The following TIMM21 variants were observed in gnomAD, a reference collection of about 807,000 sequenced individuals.
The protein encoded by TIMM21 is translocase of inner mitochondrial membrane 21.
TIMM21 carries 30 observed loss-of-function variants against 27.7 expected under a neutral mutation model. The ratio of observed to expected loss-of-function variants is 1.08; its 90% CI spans 0.81 to 1.47. The LOEUF (loss-of-function observed/expected upper bound fraction) is 1.47, where lower values mean the gene tolerates loss of function less well. TIMM21 is among the 40% of genes most tolerant of loss of function. TIMM21 has a pLI of 0.00. For missense variants in TIMM21, 292 were observed against 302.9 expected (o/e 0.96, Z 0.27); for synonymous variants, 121 against 114.4 (o/e 1.06, Z -0.37).
At position 74,159,767 on chromosome 18, in the gene TIMM21, T is replaced by C. The variant is rs899144756; in HGVS notation, c.*1287T>C. 1 of 152,212 alleles carries C rather than the reference T, an allele frequency of 6.6e-6. No homozygotes were observed. Among genetic ancestry groups the C allele is most frequent in the African/African-American group, 2.4e-5 (1 of 41,442 alleles). The allele number at this position is 152,212 out of a possible 1,614,324, so 9.4% of individuals were successfully genotyped here. A position where few individuals can be genotyped will look rare whatever the true frequency, so the allele number is the denominator to read the frequency against. On this transcript the variant is annotated 3_prime_UTR_variant, in exon 6 of 6. Transcript: ENST00000169551. ...AATCGTTTTTTCCTTTGCTATAGAA[T>C]GTTCAGTTTCAGGATTCACTGAAAT...
rs921793256 is a variant in TIMM21 at position 74,152,006 on chromosome 18, C to T, written c.301+2897C>T. 2.0e-4 allele frequency among the ~76,000 whole-genome samples: 30 copies of T among 150,794 alleles called. No individual in the cohort carries two copies. The highest frequency in any genetic ancestry group is 1.9e-3 in the Admixed American group (29 of 15,056). On this transcript the variant is annotated intron_variant, in intron 1 of 5. Transcript: ENST00000169551. The surrounding 1 kb of genome is among the most constrained non-coding windows in gnomAD (Gnocchi z 4.1). The stretch of plus-strand genomic sequence containing the variant: ...TCTTCTCACCCTTCTCATGCCCAGT[C>T]GTGTTGTAACTTGGCCAGGAGGGGA...
Position 74,149,039 on chromosome 18 carries a change from G to T in TIMM21, c.231G>T (p.Glu77Asp). 2 of 1,614,150 alleles carry T rather than the reference G, an allele frequency of 1.2e-6. No homozygotes were observed. The highest frequency in any genetic ancestry group is 1.7e-6 in the Non-Finnish European group (2 of 1,180,036). The change falls in exon 1 of 6, where the codon GAG becomes GAT. Residue 77 changes from glutamate to aspartate, a missense_variant. By Grantham distance (45) the Glu-to-Asp change is conservative. Transcript: ENST00000169551. Reference sequence around the variant, plus strand: ...GACCGAGCCCCCGAAAAGCAAAGGAGGATGGCAGCAAACAAGTGTCTGTGC... The same window carrying T: ...GACCGAGCCCCCGAAAAGCAAAGGATGATGGCAGCAAACAAGTGTCTGTGC... ...TQGPSPRKAK[E>D]DGSKQVSVHR...
chr18:74,150,126 A>G (rs1979762668), intron 1 of TIMM21, among the ~76,000 whole-genome samples: 1 of 152,184 alleles, frequency 6.6e-6, no homozygotes, highest in African/African-American at 2.4e-5. Flanking sequence ...GAGCCTCTGC[A>G]TCTTTGTTGG....
rs1209525801 is a variant in TIMM21 at position 74,160,228 on chromosome 18, A to C, written c.*1748A>C. The C allele has an allele frequency of 2.0e-5, 3 of 151,866 alleles. No individual in the cohort carries two copies. The highest frequency in any genetic ancestry group is 7.3e-5 in the African/African-American group (3 of 41,306). 9.4% of individuals were successfully genotyped at this position (151,866 alleles called of 1,614,324 possible). On this transcript the variant is annotated 3_prime_UTR_variant, in exon 6 of 6. Transcript: ENST00000169551. ...TAATCTCATCTACTCAGGAGACAGG[A>C]GAAGCGCTTGAACCCAGGAGGCAGA...
Position 74,158,789 on chromosome 18 carries a change from A to G in TIMM21, c.*309A>G, listed in dbSNP as rs1200735893. 1.8e-5 allele frequency: 5 copies of G among 271,276 alleles called. No individual in the cohort carries two copies. The highest frequency in any genetic ancestry group is 3.5e-5 in the Non-Finnish European group (5 of 142,094). The allele number at this position is 271,276 out of a possible 1,614,324, so 16.8% of individuals were successfully genotyped here. On this transcript the variant is annotated 3_prime_UTR_variant, in exon 6 of 6. Coordinates refer to ENST00000169551, the MANE Select transcript of TIMM21 (RefSeq NM_014177.3). Reference sequence around the variant, plus strand: ...GTAAATAAAGGAAATAGATTTTAGTATTGTATTCATTTTATATTATAGAAC... The same window carrying G: ...GTAAATAAAGGAAATAGATTTTAGTGTTGTATTCATTTTATATTATAGAAC...
Position 74,148,677 on chromosome 18 carries a change from C to T in TIMM21, c.-132C>T. The stretch of plus-strand genomic sequence containing the variant: ...TTTTCATTTACGCTGCGGAAACTGA[C>T]GTTTTTGCCTAACACCCCATGTAAT... On this transcript the variant is annotated 5_prime_UTR_variant, in exon 1 of 6. The change creates a new upstream start codon in the 5' untranslated region. Transcript: ENST00000169551. 1 of 854,492 alleles carries T rather than the reference C, an allele frequency of 1.2e-6. No individual in the cohort carries two copies. The highest frequency in any genetic ancestry group is 1.8e-6 in the Non-Finnish European group (1 of 552,364). The allele number at this position is 854,492 out of a possible 1,614,324, so 52.9% of individuals were successfully genotyped here. A position where few individuals can be genotyped will look rare whatever the true frequency, so the allele number is the denominator to read the frequency against.
At position 74,158,704 on chromosome 18, in the gene TIMM21, T is replaced by A; in HGVS notation, c.*224T>A. 2.3e-6 allele frequency: 1 copy of A among 432,388 alleles called. No individual in the cohort carries two copies. The highest frequency in any genetic ancestry group is 4.3e-5 in the Admixed American group (1 of 23,346). 26.8% of individuals were successfully genotyped at this position (432,388 alleles called of 1,614,324 possible). On this transcript the variant is annotated 3_prime_UTR_variant, in exon 6 of 6. Transcript: ENST00000169551. ...CCCATTGACTCAATCATGACAATAT[T>A]TCTGCTTTAACACCATCTTTCATGA... is the stretch of plus-strand genomic sequence containing the variant.
intron 1 of TIMM21, among the ~76,000 whole-genome samples, chr18:74,153,212 G>A (rs528011922): frequency 6.6e-6 from 1 of 152,340 alleles, no homozygotes; most frequent in South Asian, 2.1e-4. Context: ...ATTGGAGACA[G>A]CTATAAAGTA....
At chr18:74,157,700 A>G (rs1979988394) in intron 3 of TIMM21, 1 of 259,372 alleles carries the variant, frequency 3.9e-6, no homozygotes, top group Admixed American at 5.0e-5. Context: ...GGTTCAAGCG[A>G]TTCTCCTGCC....
At chr18:74,153,562 G>A (rs906972881) in intron 1 of TIMM21, among the ~76,000 whole-genome samples, 3 of 152,174 alleles carry the variant, frequency 2.0e-5, no homozygotes, top group Non-Finnish European at 4.4e-5. Context: ...GTCATTGTAG[G>A]CCCCAACTCC....
intron 1 of TIMM21, among the ~76,000 whole-genome samples, chr18:74,154,416 T>C (rs928552093): frequency 2.0e-5 from 3 of 152,134 alleles, no homozygotes; most frequent in African/African-American, 4.8e-5. Context: ...CGCCCGCCAC[T>C]GCGCCCGGGT....
In TIMM21 at chr18:74,152,543, C is replaced by T. The variant is rs370019234; in HGVS notation, c.302-2602C>T. Among the ~76,000 whole-genome samples, 2 of 152,154 alleles carry T rather than the reference C, an allele frequency of 1.3e-5. No homozygotes were observed. The highest frequency in any genetic ancestry group is 2.9e-5 in the Non-Finnish European group (2 of 68,022). On this transcript the variant is annotated intron_variant, in intron 1 of 5. Transcript: ENST00000169551. This position sits in a 1 kb window ranked among gnomAD's most constrained non-coding sequence, Gnocchi z 4.1. ...ACACATCAGCCAGTACATTCCCTTC[C>T]GCCAGCATTCCATCCCAGGTCCCCA...
chr18:74,151,853 C>T (rs923872101), intron 1 of TIMM21, among the ~76,000 whole-genome samples: 5 of 151,174 alleles, frequency 3.3e-5, no homozygotes, highest in Non-Finnish European at 5.9e-5. Flanking sequence ...ATCACAGGAG[C>T]GTGCCCCATG....
Position 74,158,100 on chromosome 18 carries a change from G to C in TIMM21, c.536+13G>C. ...GGCAGCATGTCAGGTACTGTGGCTT[G>C]AATTCAGAGGAGGCTCTGGGGAGAT... On this transcript the variant is annotated intron_variant, in intron 4 of 5. Coordinates refer to ENST00000169551, the MANE Select transcript of TIMM21 (RefSeq NM_014177.3). 2 of 1,614,128 alleles carry C rather than the reference G, an allele frequency of 1.2e-6. No individual in the cohort carries two copies. Among genetic ancestry groups the C allele is most frequent in the Non-Finnish European group, 1.7e-6 (2 of 1,179,978 alleles).
At chr18:74,154,071 G>A (rs1210980066) in intron 1 of TIMM21, among the ~76,000 whole-genome samples, 3 of 152,144 alleles carry the variant, frequency 2.0e-5, no homozygotes, top group Admixed American at 6.5e-5. Context: ...TACAGTAGCT[G>A]TTGGTAAGTG....
At chr18:74,154,109 C>G (rs2121917069) in intron 1 of TIMM21, among the ~76,000 whole-genome samples, 1 of 152,298 alleles carries the variant, frequency 6.6e-6, no homozygotes, top group East Asian at 1.9e-4. Context: ...ACCTGATACG[C>G]TAAGCAAGGC....
chr18:74,155,265 T>C, intron 2 of TIMM21, 41 bp from the exon 3 acceptor site: 1 of 1,612,026 alleles, frequency 6.2e-7, no homozygotes, highest in South Asian at 1.1e-5. Context: ...ACTTTTTATG[T>C]TGCCCTTGCT....
chr18:74,156,980 A>AGG (rs1307187700), intron 3 of TIMM21: 3 of 152,228 alleles, frequency 2.0e-5, no homozygotes, highest in African/African-American at 7.2e-5. Context: ...ATTCTGCAAT[A>AGG]TCATCTTACA....
rs1979825577 is a variant in TIMM21, at chr18:74,152,059, G to A, written c.301+2950G>A. Among the ~76,000 whole-genome samples the A allele has an allele frequency of 6.6e-6, 1 of 151,692 alleles. No homozygotes were observed. The highest frequency in any genetic ancestry group is 2.4e-5 in the African/African-American group (1 of 41,132). Reference sequence around the variant, plus strand: ...TGGAGAGCCCTCCTGAGAGCAGCACGTATCTTGCTAGGCAGAAACCCCCAC... The same window carrying A: ...TGGAGAGCCCTCCTGAGAGCAGCACATATCTTGCTAGGCAGAAACCCCCAC... On this transcript the variant is annotated intron_variant, in intron 1 of 5. Transcript: ENST00000169551. The surrounding 1 kb of genome is among the most constrained non-coding windows in gnomAD (Gnocchi z 4.1).
Sources: allele counts gnomAD v4.1 joint callset (sites outside exome capture counted in the v4.1 genomes callset), GRCh38; gene constraint gnomAD v4.1.1; non-coding constraint Gnocchi (gnomAD v3.1); transcripts MANE v1.5; gene names NCBI Gene and HGNC (gene_info 2026-07-23, HGNC 2026-07-21).